The following XPO6 variants were observed in gnomAD, a reference collection of about 807,000 sequenced individuals.
XPO6 encodes the protein exportin-6.
Under a neutral mutation model 130.0 loss-of-function variants are expected in XPO6, and 3 were observed. That is an observed-to-expected ratio of 0.02 (90% CI 0.01 to 0.06). The LOEUF (loss-of-function observed/expected upper bound fraction) is 0.06. XPO6 is among the 10% of genes least tolerant of loss of function. The pLI, the probability that XPO6 is intolerant of heterozygous loss-of-function variation, is 1.00. For synonymous variants in XPO6, 524 were observed against 548.9 expected (o/e 0.95, Z 0.63); for missense variants, 970 against 1,393.0 (o/e 0.70, Z 4.83).
At chr16:28,208,480 A>G (rs985993294) in intron 1 of XPO6, among the ~76,000 whole-genome samples, 3 of 152,164 alleles carry the variant, frequency 2.0e-5, no homozygotes, top group Non-Finnish European at 4.4e-5. Flanking sequence ...TGACCCTGGG[A>G]TACCTACAGA....
chr16:28,166,960 T>C (rs1187529600), intron 5 of XPO6: 7 of 623,662 alleles, frequency 1.1e-5, no homozygotes, highest in Non-Finnish European at 1.2e-5. Flanking sequence ...TCCTGGCTTT[T>C]CTCTGGTTTC....
chr16:28,114,498 A>T (rs749860346), intron 15 of XPO6, among the ~76,000 whole-genome samples: 6 of 152,236 alleles, frequency 3.9e-5, no homozygotes, highest in Admixed American at 1.3e-4. Context: ...TAGTCTATAA[A>T]GTGTGCAATA....
At chr16:28,202,452 C>G (rs1445385357) in intron 1 of XPO6, among the ~76,000 whole-genome samples, 1 of 152,060 alleles carries the variant, frequency 6.6e-6, no homozygotes, top group Non-Finnish European at 1.5e-5. Context: ...ATGACAGCAA[C>G]AACCAAAGCA....
At chr16:28,186,672 A>ATTTTTTTTTT (rs35690546) in intron 1 of XPO6, among the ~76,000 whole-genome samples, 1,910 of 140,752 alleles carry the variant, frequency 0.014, 62 homozygotes, top group African/African-American at 0.049. Flanking sequence ...ATTCAGCCTA[A>ATTTTTTTTTT]TTTTTTTTTT....
chr16:28,127,979 ACCACAGCAACAGAATGACCATC>A (rs1217637520), intron 12 of XPO6, among the ~76,000 whole-genome samples: 1 of 152,158 alleles, frequency 6.6e-6, no homozygotes, highest in East Asian at 1.9e-4. Flanking sequence ...AGCTCCTCCA[ACCACAGCAACAGAATGACCATC>A]CCACCCAGCC....
At chr16:28,135,358 A>C in intron 9 of XPO6, 34 bp from the exon 10 acceptor site, 1 of 1,578,772 alleles carries the variant, frequency 6.3e-7, no homozygotes, top group Non-Finnish European at 8.7e-7. Context: ...CATTGAAAGG[A>C]GGCTTTCAGC....
Position 28,106,007 on chromosome 16 carries a change from G to C in XPO6, c.2784+36C>G, listed in dbSNP as rs771460763. On this transcript the variant is annotated intron_variant, in intron 20 of 23. Coordinates refer to ENST00000304658, the MANE Select transcript of XPO6 (RefSeq NM_015171.4). The surrounding 1 kb of genome is among the most constrained non-coding windows in gnomAD (Gnocchi z 4.2). ...CTCATTCCCTTCCCAATCTGGAGAT[G>C]GGGGGTGCTGCACAGGGGACCGTCT... 3 of 1,587,000 alleles carry C rather than the reference G, an allele frequency of 1.9e-6. No homozygotes were observed. Among genetic ancestry groups the C allele is most frequent in the Non-Finnish European group, 2.6e-6 (3 of 1,161,434 alleles).
intron 6 of XPO6, among the ~76,000 whole-genome samples, chr16:28,160,162 G>A (rs2043251243): frequency 7.4e-6 from 1 of 135,886 alleles, no homozygotes; most frequent in African/African-American, 2.8e-5. Context: ...TCCAGCCTGG[G>A]CAACAGAGCA....
chr16:28,211,852 A>C lies in XPO6; in HGVS notation c.-484T>G. On this transcript the variant is annotated 5_prime_UTR_variant, in exon 1 of 24. Transcript: ENST00000304658. ...GGCCCGCGCTGTCCTCGCAGCCTCA[A>C]CCCACACGGCCACTGCCGCCGCCCC... The C allele has an allele frequency of 5.4e-6, 1 of 186,108 alleles. No individual in the cohort carries two copies. The highest frequency in any genetic ancestry group is 1.1e-5 in the Non-Finnish European group (1 of 91,134). The allele number at this position is 186,108 out of a possible 1,614,324, so 11.5% of individuals were successfully genotyped here.
intron 14 of XPO6, among the ~76,000 whole-genome samples, chr16:28,119,710 G>A (rs2141262121): frequency 6.6e-6 from 1 of 152,076 alleles, no homozygotes; most frequent in East Asian, 1.9e-4. Flanking sequence ...ATTTTAATAT[G>A]GACTATATAT....
chr16:28,105,306 T>C (rs1167855505), intron 20 of XPO6, among the ~76,000 whole-genome samples: 1 of 152,144 alleles, frequency 6.6e-6, no homozygotes, highest in African/African-American at 2.4e-5. Flanking sequence ...AGGAGAAGGG[T>C]CAGGCTCAGC....
chr16:28,141,633 C>T (rs188425386), intron 9 of XPO6, among the ~76,000 whole-genome samples: 11 of 152,258 alleles, frequency 7.2e-5, no homozygotes, highest in African/African-American at 2.4e-4. Context: ...GAACATTTAC[C>T]CCATTAACAC....
chr16:28,158,406 TGTTAGA>T (rs1238867120), intron 6 of XPO6, among the ~76,000 whole-genome samples: 1 of 152,186 alleles, frequency 6.6e-6, no homozygotes, highest in Non-Finnish European at 1.5e-5. Context: ...CTAAGCCACA[TGTTAGA>T]GATTTGCAAA....
At chr16:28,099,793 T>A (rs902595047) in intron 23 of XPO6, among the ~76,000 whole-genome samples, 12 of 152,316 alleles carry the variant, frequency 7.9e-5, no homozygotes, top group African/African-American at 2.9e-4. Flanking sequence ...GGCCCGGGGC[T>A]TGAGAAGCAG....
intron 1 of XPO6, among the ~76,000 whole-genome samples, chr16:28,186,023 T>C (rs1162528155): frequency 1.3e-5 from 2 of 152,208 alleles, no homozygotes; most frequent in African/African-American, 4.8e-5. Flanking sequence ...CAGAGATCTA[T>C]GCCATTGACT....
intron 3 of XPO6, among the ~76,000 whole-genome samples, chr16:28,176,600 C>T (rs916497451): frequency 7.9e-5 from 12 of 151,754 alleles, no homozygotes; most frequent in African/African-American, 2.9e-4. Flanking sequence ...CGGGTTCATG[C>T]CATTCTCCTA....
In XPO6 at chr16:28,142,602, G is replaced by C. The variant is rs185796191; in HGVS notation, c.1334+3492C>G. Among the ~76,000 whole-genome samples the C allele has an allele frequency of 1.1e-4, 16 of 152,180 alleles. No homozygotes were observed. In the East Asian group the frequency reaches 3.1e-3, roughly 29 times the overall value. On this transcript the variant is annotated intron_variant, in intron 9 of 23. Coordinates refer to ENST00000304658, the MANE Select transcript of XPO6 (RefSeq NM_015171.4). ...TATTTTATTTTAGAGACAGAGTCTTGCTCTGTCGCCCAGGCTGGAGTGCAA... is the reference window on the plus strand; with the variant it reads ...TATTTTATTTTAGAGACAGAGTCTTCCTCTGTCGCCCAGGCTGGAGTGCAA...
At position 28,181,018 on chromosome 16, in the gene XPO6, G is replaced by A; in HGVS notation, c.17C>T (p.Ala6Val). 3 of 1,611,496 alleles carry A rather than the reference G, an allele frequency of 1.9e-6. No homozygotes were observed. The highest frequency in any genetic ancestry group is 8.5e-7 in the Non-Finnish European group (1 of 1,179,072). ...CAGACTTTCCAATGCCCTGAGAGAG[G>A]CTTCTTCAGATGCCTAACAAAGGAA... MASEE[A>V]SLRALESLMT... Residue 6 changes from alanine to valine, a missense_variant, in exon 2 of 24, where the codon GCC (alanine) becomes GTC (valine). By Grantham distance (64) the Ala-to-Val change is moderately conservative. Transcript: ENST00000304658.
rs991313326 is a variant in XPO6, at chr16:28,106,234, A to T, written c.2613-20T>A. ...TGCTCTCTACAGAGGAGAAAGCCAC[A>T]CAGTGAGCAACCACATGTTTCTCTG... On this transcript the variant is annotated intron_variant, in intron 19 of 23. Transcript: ENST00000304658. This position sits in a 1 kb window ranked among gnomAD's most constrained non-coding sequence, Gnocchi z 4.2. 1.4e-5 allele frequency: 23 copies of T among 1,612,352 alleles called. No individual in the cohort carries two copies. Among genetic ancestry groups the T allele is most frequent in the Non-Finnish European group, 2.0e-5 (23 of 1,178,774 alleles).
Sources: gnomAD v4.1 joint callset for allele counts (sites outside exome capture counted in the v4.1 genomes callset) on GRCh38, gnomAD v4.1.1 for gene constraint, Gnocchi (gnomAD v3.1) non-coding constraint, MANE v1.5 for transcripts, NCBI Gene and HGNC (gene_info 2026-07-23, HGNC 2026-07-21) for gene names.